Variants in TICAM2 observed in about 807,000 individuals in gnomAD.
The protein encoded by TICAM2 is TIR domain-containing adapter molecule 2.
A neutral mutation model predicts 7.3 loss-of-function variants in TICAM2; 8 were observed. The observed-to-expected ratio is 1.10, with a 90% CI of 0.65 to 1.99. TICAM2 has a LOEUF of 1.99. TICAM2 is among the 30% of genes most tolerant of loss of function. The pLI is 0.00. For synonymous variants in TICAM2, 113 were observed against 99.6 expected (o/e 1.13, Z -0.80); for missense variants, 304 against 278.8 (o/e 1.09, Z -0.65).
intron 1 of TICAM2, among the ~76,000 whole-genome samples, chr5:115,585,187 T>C (rs1401916560): frequency 6.6e-6 from 1 of 152,220 alleles, no homozygotes; most frequent in Admixed American, 6.5e-5. Flanking sequence ...AAGATCAAAA[T>C]GGCTTAGGAT....
chr5:115,593,544 TATATC>T (rs1417148069), intron 1 of TICAM2, among the ~76,000 whole-genome samples: 1 of 152,202 alleles, frequency 6.6e-6, no homozygotes, highest in Non-Finnish European at 1.5e-5. Context: ...AATGCACATA[TATATC>T]ATGTTTATTA....
intron 1 of TICAM2, among the ~76,000 whole-genome samples, chr5:115,592,834 A>T (rs1013280993): frequency 6.6e-6 from 1 of 152,234 alleles, no homozygotes; most frequent in Non-Finnish European, 1.5e-5. Context: ...TGCAAGGTTG[A>T]TCTGACAAGT....
At chr5:115,592,447 C>A (rs1337634466) in intron 1 of TICAM2, among the ~76,000 whole-genome samples, 1 of 152,154 alleles carries the variant, frequency 6.6e-6, no homozygotes, top group African/African-American at 2.4e-5. Flanking sequence ...CACAGATCAT[C>A]CCATCACCTA....
intron 1 of TICAM2, among the ~76,000 whole-genome samples, chr5:115,586,398 T>C (rs541330169): frequency 1.2e-4 from 17 of 143,578 alleles, no homozygotes; most frequent in African/African-American, 4.5e-4. Context: ...AATGAAACCA[T>C]TAATTAAGGT....
At chr5:115,586,117 T>A (rs911342620) in intron 1 of TICAM2, among the ~76,000 whole-genome samples, 1 of 152,146 alleles carries the variant, frequency 6.6e-6, no homozygotes, top group Admixed American at 6.5e-5. Flanking sequence ...AGAAAGACAA[T>A]ATGAGATCAT....
intron 1 of TICAM2, among the ~76,000 whole-genome samples, chr5:115,593,614 TTCAATGCAATAACAA>T (rs1396814101): frequency 1.3e-5 from 2 of 152,202 alleles, no homozygotes; most frequent in Non-Finnish European, 2.9e-5. Context: ...GATATATAGA[TTCAATGCAATAACAA>T]TCAAAATCTC....
At chr5:115,598,410 C>T (rs887314558) in intron 1 of TICAM2, among the ~76,000 whole-genome samples, 5 of 152,164 alleles carry the variant, frequency 3.3e-5, no homozygotes, top group African/African-American at 1.2e-4. Context: ...TTCTTAAGTA[C>T]CAAAGGACAG....
In TICAM2 at chr5:115,580,729, C is replaced by T; in HGVS notation, c.528G>A (p.Leu176=). The change falls in exon 2 of 2, where the codon CTG becomes CTA. Residue 176 remains leucine, a synonymous_variant. Transcript: ENST00000427199. ...TCCTTTCTCGGGGAAGGGGATTGTT[C>T]AGGGGCCGCATGGGTATAACAGAGT... is the stretch of plus-strand genomic sequence containing the variant. ...KYNSVIPMRP[L]NNPLPRERTP... is the part of the protein sequence containing the mutation. 4.4e-6 allele frequency: 7 copies of T among 1,602,028 alleles called. No homozygotes were observed. Among genetic ancestry groups the T allele is most frequent in the Non-Finnish European group, 6.0e-6 (7 of 1,175,096 alleles).
chr5:115,599,280 TG>T (rs1381420700), intron 1 of TICAM2, among the ~76,000 whole-genome samples: 2 of 151,892 alleles, frequency 1.3e-5, no homozygotes, highest in African/African-American at 4.8e-5. Context: ...CCCCTATTGG[TG>T]GGGGGAGGGG....
intron 1 of TICAM2, among the ~76,000 whole-genome samples, chr5:115,585,693 C>A (rs947490756): frequency 1.3e-5 from 2 of 152,232 alleles, no homozygotes; most frequent in Middle Eastern, 3.4e-3. Context: ...AAAGGAGTGC[C>A]GTGGGGCTGG....
intron 1 of TICAM2, among the ~76,000 whole-genome samples, chr5:115,599,598 C>G (rs902241572): frequency 1.3e-5 from 2 of 152,134 alleles, no homozygotes; most frequent in Admixed American, 1.3e-4. Context: ...AGCAACCTAC[C>G]GCACAGGCCC....
chr5:115,592,794 A>ATC (rs1441530873), intron 1 of TICAM2, among the ~76,000 whole-genome samples: 1 of 152,242 alleles, frequency 6.6e-6, no homozygotes, highest in Admixed American at 6.5e-5. Context: ...AGGATAATCC[A>ATC]TCACAACCAA....
intron 1 of TICAM2, among the ~76,000 whole-genome samples, chr5:115,589,571 T>C (rs988067484): frequency 1.3e-5 from 2 of 152,212 alleles, no homozygotes; most frequent in Non-Finnish European, 2.9e-5. Flanking sequence ...ATATCAAATA[T>C]TACCTATTGG....
At chr5:115,595,644 C>T (rs1180299128) in intron 1 of TICAM2, among the ~76,000 whole-genome samples, 3 of 152,130 alleles carry the variant, frequency 2.0e-5, no homozygotes, top group East Asian at 1.9e-4. Context: ...TCAAGAAAAA[C>T]TCTATCTTAT....
Position 115,581,026 on chromosome 5 carries a change from C to G in TICAM2, c.231G>C (p.Val77=), listed in dbSNP as rs1179462894. 3.1e-6 allele frequency: 5 copies of G among 1,613,962 alleles called. No individual in the cohort carries two copies. The highest frequency in any genetic ancestry group is 4.5e-5 in the East Asian group (2 of 44,882). ...EMFEEEAEEE[V]FLKFVILHAE... ...CATGCAATATCACAAATTTGAGGAA[C>G]ACCTCTTCTTCAGCTTCTTCTTCAA... Residue 77 remains valine, a synonymous_variant, in exon 2 of 2, where the codon GTG becomes GTC. Transcript: ENST00000427199.
At chr5:115,595,357 C>T (rs1191989261) in intron 1 of TICAM2, among the ~76,000 whole-genome samples, 1 of 152,204 alleles carries the variant, frequency 6.6e-6, no homozygotes. Flanking sequence ...CCCCACAACT[C>T]CACCCACTAA....
chr5:115,602,105 G>C lies in TICAM2; in HGVS notation c.-68C>G, dbSNP rs1473097638. 1 of 152,020 alleles carries C rather than the reference G, an allele frequency of 6.6e-6. No homozygotes were observed. The highest frequency in any genetic ancestry group is 1.5e-5 in the Non-Finnish European group (1 of 68,046). 9.4% of individuals were successfully genotyped at this position (152,020 alleles called of 1,614,324 possible). A position where few individuals can be genotyped will look rare whatever the true frequency, so the allele number is the denominator to read the frequency against. On this transcript the variant is annotated 5_prime_UTR_variant, in exon 1 of 2. Transcript: ENST00000427199. Reference sequence around the variant, plus strand: ...TAGCGCCCGGTACTTGCCTGCAGGCGAGCGCCACCACAGTCAGCCCGCGGC... The same window carrying C: ...TAGCGCCCGGTACTTGCCTGCAGGCCAGCGCCACCACAGTCAGCCCGCGGC...
At position 115,579,878 on chromosome 5, in the gene TICAM2, C is replaced by G. The variant is rs543790793; in HGVS notation, c.*671G>C. The G allele has an allele frequency of 2.6e-5, 4 of 152,316 alleles. No homozygotes were observed. In the South Asian group the frequency reaches 8.3e-4, roughly 32 times the overall value. 9.4% of individuals were successfully genotyped at this position (152,316 alleles called of 1,614,324 possible). A position where few individuals can be genotyped will look rare whatever the true frequency, so the allele number is the denominator to read the frequency against. ...AAGAGATTTAAGCCCCAGGGGACGT[C>G]TGAACACCACTCCACGAAGTCCCTA... is the stretch of plus-strand genomic sequence containing the variant. On this transcript the variant is annotated 3_prime_UTR_variant, in exon 2 of 2. Transcript: ENST00000427199.
rs1294700024 is a variant in TICAM2, at chr5:115,578,940, G to A, written c.*1609C>T. The A allele has an allele frequency of 6.6e-6, 1 of 152,612 alleles. No individual in the cohort carries two copies. The highest frequency in any genetic ancestry group is 6.5e-5 in the Admixed American group (1 of 15,282). The allele number at this position is 152,612 out of a possible 1,614,324, so 9.5% of individuals were successfully genotyped here. On this transcript the variant is annotated 3_prime_UTR_variant, in exon 2 of 2. Coordinates refer to ENST00000427199, the MANE Select transcript of TICAM2 (RefSeq NM_021649.7). Reference sequence around the variant, plus strand: ...TTGACTTACTTGCATGCTCCTCATAGAACGTTTTGGTTCATGGCTATGAAG... The same window carrying A: ...TTGACTTACTTGCATGCTCCTCATAAAACGTTTTGGTTCATGGCTATGAAG...
Sources: allele counts gnomAD v4.1 joint callset (sites outside exome capture counted in the v4.1 genomes callset), GRCh38; gene constraint gnomAD v4.1.1; transcripts MANE v1.5; gene names NCBI Gene and HGNC (gene_info 2026-07-23, HGNC 2026-07-21).